Variants in LARGE1 observed in about 807,000 individuals in gnomAD.
The protein encoded by LARGE1 is LARGE xylosyl- and glucuronyltransferase 1, also known as xylosyl- and glucuronyltransferase LARGE1.
Under a neutral mutation model 87.6 loss-of-function variants are expected in LARGE1, and 43 were observed. The ratio of observed to expected loss-of-function variants is 0.49; its 90% CI spans 0.38 to 0.63. The LOEUF (loss-of-function observed/expected upper bound fraction) is 0.63. Among genes scored for constraint, LARGE1 ranks in the 30% least tolerant of loss-of-function variants. The pLI is 0.00. For missense variants in LARGE1, 802 were observed against 1,000.2 expected, an observed-to-expected ratio of 0.80 and a Z score of 2.67; for synonymous variants, 434 against 394.6, an observed-to-expected ratio of 1.10 and a Z score of -1.18.
intron 1 of LARGE1, among the ~76,000 whole-genome samples, chr22:33,913,078 C>T (rs914648452): frequency 2.0e-5 from 3 of 151,754 alleles, no homozygotes; most frequent in Non-Finnish European, 2.9e-5. Context: ...GTGATCCCCC[C>T]ACCTCGGCCT....
At chr22:33,606,269 G>C (rs2079257717) in intron 4 of LARGE1, among the ~76,000 whole-genome samples, 2 of 151,976 alleles carry the variant, frequency 1.3e-5, no homozygotes, top group African/African-American at 4.8e-5. Flanking sequence ...GCCTGGTGTG[G>C]TGGCACATGC....
At chr22:33,583,032 A>T (rs1339199396) in intron 5 of LARGE1, among the ~76,000 whole-genome samples, 2 of 152,204 alleles carry the variant, frequency 1.3e-5, no homozygotes, top group Non-Finnish European at 2.9e-5. Context: ...TACCTTGGAC[A>T]GTTCCAGTCA....
intron 6 of LARGE1, among the ~76,000 whole-genome samples, chr22:33,498,908 G>C (rs2070291701): frequency 6.6e-6 from 1 of 152,106 alleles, no homozygotes; most frequent in African/African-American, 2.4e-5. Flanking sequence ...GGAGGCGGAG[G>C]TTGCAGTGAG....
At chr22:33,442,794 CT>C (rs559941819) in intron 6 of LARGE1, among the ~76,000 whole-genome samples, 7,374 of 139,958 alleles carry the variant, frequency 0.053, 185 homozygotes, top group African/African-American at 0.093. Flanking sequence ...ATACTGATAG[CT>C]TTTTTTTTTT....
rs143725224 is a variant in LARGE1 at position 33,421,368 on chromosome 22, T to C, written c.892+10793A>G. 1.4e-4 allele frequency among the ~76,000 whole-genome samples: 22 copies of C among 152,284 alleles called. No individual in the cohort carries two copies. The East Asian group carries it at 3.1e-3, about 21-fold the overall frequency. ...TGTGAAATATGAATTCTTTTTATCC[T>C]GAAATGAAAAAGTTGTTCATTCCCC... On this transcript the variant is annotated intron_variant, in intron 7 of 14. Transcript: ENST00000397394.
chr22:33,388,972 T>C (rs1233610678), intron 7 of LARGE1, among the ~76,000 whole-genome samples: 1 of 152,194 alleles, frequency 6.6e-6, no homozygotes, highest in African/African-American at 2.4e-5. Context: ...ATAAGACACG[T>C]ACATCATTAG....
intron 6 of LARGE1, among the ~76,000 whole-genome samples, chr22:33,532,407 G>T (rs2072250727): frequency 6.6e-6 from 1 of 152,214 alleles, no homozygotes; most frequent in South Asian, 2.1e-4. Context: ...GAAATCTCTA[G>T]ATGTGCAAGC....
chr22:33,357,137 C>G (rs780357064), intron 9 of LARGE1, among the ~76,000 whole-genome samples: 3 of 151,806 alleles, frequency 2.0e-5, no homozygotes, highest in African/African-American at 2.4e-5. Context: ...AATGGCTTAA[C>G]GTAGAAAGAA....
intron 6 of LARGE1, among the ~76,000 whole-genome samples, chr22:33,485,715 A>G (rs2148242157): frequency 6.6e-6 from 1 of 152,174 alleles, no homozygotes; most frequent in African/African-American, 2.4e-5. Context: ...AAATTCAACC[A>G]TCAGTTCCAA....
Position 33,637,462 on chromosome 22 carries a change from G to C in LARGE1, c.409-11136C>G, listed in dbSNP as rs138313052. On this transcript the variant is annotated intron_variant, in intron 3 of 14. Transcript: ENST00000397394. ...GCCAGCCTCCAAGACTGTCTCCAAA[G>C]ATCCCTTCCCCCTGGTTTTCATGCC... Among the ~76,000 whole-genome samples, 608 of 152,232 alleles carry C rather than the reference G, an allele frequency of 4.0e-3. 4 individuals carry two copies. Among genetic ancestry groups the C allele is most frequent in the African/African-American group, 0.014 (582 of 41,520 alleles).
chr22:33,530,648 C>T (rs2072152980), intron 6 of LARGE1, among the ~76,000 whole-genome samples: 1 of 152,188 alleles, frequency 6.6e-6, no homozygotes, highest in South Asian at 2.1e-4. Context: ...CATAGTTGCG[C>T]TCTGAGGACC....
chr22:33,828,851 C>T (rs1463869105), intron 1 of LARGE1, among the ~76,000 whole-genome samples: 1 of 152,166 alleles, frequency 6.6e-6, no homozygotes, highest in Non-Finnish European at 1.5e-5. Context: ...CTTTACTCAG[C>T]CACCACAGCC....
At chr22:33,481,184 C>T (rs1182264788) in intron 6 of LARGE1, among the ~76,000 whole-genome samples, 8 of 150,172 alleles carry the variant, frequency 5.3e-5, no homozygotes, top group Non-Finnish European at 7.4e-5. Flanking sequence ...GAAGTATTTA[C>T]ATTTTTCATA....
intron 7 of LARGE1, among the ~76,000 whole-genome samples, chr22:33,391,765 C>CTTTTTT (rs1034572374): frequency 9.4e-5 from 6 of 63,852 alleles, no homozygotes; most frequent in African/African-American, 2.1e-4. Context: ...TTCCTTTTTC[C>CTTTTTT]TTTTTTTTTT....
intron 3 of LARGE1, among the ~76,000 whole-genome samples, chr22:33,643,435 C>T (rs918484885): frequency 1.3e-5 from 2 of 152,104 alleles, no homozygotes; most frequent in Admixed American, 6.5e-5. Context: ...ATGCCCACAA[C>T]AGAAAGCAGG....
downstream of LARGE1, among the ~76,000 whole-genome samples, chr22:33,267,724 C>T (rs557785326): frequency 4.6e-5 from 7 of 151,368 alleles, no homozygotes; most frequent in South Asian, 1.0e-3. Flanking sequence ...GGCCTCTATG[C>T]GCTCCCATTG....
At chr22:33,759,495 G>A (rs369664767) in intron 2 of LARGE1, among the ~76,000 whole-genome samples, 14 of 152,170 alleles carry the variant, frequency 9.2e-5, no homozygotes, top group Admixed American at 2.6e-4. Flanking sequence ...TGTATTAAAC[G>A]CACCTGGCAC....
At chr22:33,427,519 T>G (rs1198446922) in intron 7 of LARGE1, among the ~76,000 whole-genome samples, 1 of 152,264 alleles carries the variant, frequency 6.6e-6, no homozygotes, top group Admixed American at 6.5e-5. Flanking sequence ...GGGAAAAGTC[T>G]AGTTTATAAG....
chr22:33,221,515 A>T (rs1260687047), intron 11 of LARGE1: 2 of 152,258 alleles, frequency 1.3e-5, no homozygotes, highest in Non-Finnish European at 2.9e-5. Flanking sequence ...ATGTTGAGTC[A>T]TCAAAGGAAA....
Sources: allele counts gnomAD v4.1 joint callset (sites outside exome capture counted in the v4.1 genomes callset), GRCh38; gene constraint gnomAD v4.1.1; transcripts MANE v1.5; gene names NCBI Gene and HGNC (gene_info 2026-07-23, HGNC 2026-07-21).